The following TRAPPC11 variants were observed in gnomAD, a reference collection of about 807,000 sequenced individuals.
TRAPPC11 encodes the protein foie gras homolog.
TRAPPC11 carries 104 observed loss-of-function variants against 151.2 expected under a neutral mutation model. The observed-to-expected ratio is 0.69, with a 90% CI of 0.59 to 0.81. TRAPPC11 has a LOEUF of 0.81. Among genes scored for constraint, TRAPPC11 ranks in the 30% least tolerant of loss-of-function variants. The pLI, the probability that TRAPPC11 is intolerant of heterozygous loss-of-function variation, is 0.00. For synonymous variants in TRAPPC11, 456 were observed against 472.3 expected (o/e 0.97, Z 0.45); for missense variants, 1,230 against 1,349.6 (o/e 0.91, Z 1.39).
Position 183,664,070 on chromosome 4 carries a change from A to G in TRAPPC11, c.203A>G (p.Lys68Arg). The G allele has an allele frequency of 4.3e-6, 7 of 1,611,314 alleles. No individual in the cohort carries two copies. Among genetic ancestry groups the G allele is most frequent in the Non-Finnish European group, 5.9e-6 (7 of 1,179,048 alleles). ...GDHEYPKCRP[K>R]RTSYEWYIPK... is the part of the protein sequence containing the mutation. ...CATGAGTATCCCAAATGTAGACCCA[A>G]GGTAATGGCATTGTGATGGCATGTG... Residue 68 changes from lysine to arginine, a missense_variant and splice_region_variant, in exon 2 of 30, where the codon AAG becomes AGG. By Grantham distance (26) the Lys-to-Arg change is conservative (BLOSUM62 2). Coordinates refer to ENST00000334690, the MANE Select transcript of TRAPPC11 (RefSeq NM_021942.6).
chr4:183,708,259 CTGTT>C, intron 28 of TRAPPC11, 144 bp from the exon 29 acceptor site: 1 of 767,610 alleles, frequency 1.3e-6, no homozygotes, highest in Non-Finnish European at 2.0e-6. Flanking sequence ...ACTTTGGAAT[CTGTT>C]TGGAAGATGG....
chr4:183,696,665 G>T (rs1736552980), intron 23 of TRAPPC11, among the ~76,000 whole-genome samples: 1 of 152,164 alleles, frequency 6.6e-6, no homozygotes, highest in South Asian at 2.1e-4. Flanking sequence ...CCAAAGCTGG[G>T]ATTACAGGTG....
chr4:183,694,047 G>A lies in TRAPPC11; in HGVS notation c.2508+9G>A. On this transcript the variant is annotated intron_variant, in intron 22 of 29. Coordinates refer to ENST00000334690, the MANE Select transcript of TRAPPC11 (RefSeq NM_021942.6). ...TACATCCAGGGGAACAGGTAAACTT[G>A]GTCAACTGGGATTGAAGAGGAAATC... 6.2e-7 allele frequency: 1 copy of A among 1,612,076 alleles called. No individual in the cohort carries two copies. The highest frequency in any genetic ancestry group is 8.5e-7 in the Non-Finnish European group (1 of 1,178,916).
At chr4:183,699,893 C>T (rs1038454500) in intron 25 of TRAPPC11, among the ~76,000 whole-genome samples, 5 of 151,764 alleles carry the variant, frequency 3.3e-5, no homozygotes, top group African/African-American at 7.3e-5. Flanking sequence ...GGCACGATCT[C>T]GGCTTACTGC....
At chr4:183,681,014 A>T (rs1735661591) in intron 10 of TRAPPC11, among the ~76,000 whole-genome samples, 1 of 147,168 alleles carries the variant, frequency 6.8e-6, no homozygotes, top group Non-Finnish European at 1.5e-5. Context: ...GACTCTTAAG[A>T]GTCTGTTTGA....
intron 25 of TRAPPC11, among the ~76,000 whole-genome samples, chr4:183,700,436 G>C (rs1736747147): frequency 6.6e-6 from 1 of 152,174 alleles, no homozygotes. Context: ...AAACTTTGTT[G>C]TTATTCCTTT....
chr4:183,680,512 A>C (rs1735622961), intron 10 of TRAPPC11, among the ~76,000 whole-genome samples: 1 of 152,086 alleles, frequency 6.6e-6, no homozygotes, highest in African/African-American at 2.4e-5. Flanking sequence ...GACTATTTAG[A>C]CAAGAGAAAA....
At chr4:183,694,096 A>G (rs1275185719) in intron 22 of TRAPPC11, 58 bp downstream of exon 22, 3 of 1,584,038 alleles carry the variant, frequency 1.9e-6, no homozygotes, top group Non-Finnish European at 2.6e-6. Flanking sequence ...TTTTAAATAT[A>G]TAGTGAGTTT....
chr4:183,697,891 G>A lies in TRAPPC11; in HGVS notation c.2851+56G>A, dbSNP rs1736625721. On this transcript the variant is annotated intron_variant, in intron 25 of 29. Coordinates refer to ENST00000334690, the MANE Select transcript of TRAPPC11 (RefSeq NM_021942.6). ...AGGAGAATTGTGCGCGCGTGTGTGT[G>A]TGTGTGTATAAGCTGGCAATGGAAG... 16 of 1,525,914 alleles carry A rather than the reference G, an allele frequency of 1.0e-5. No homozygotes were observed. In the South Asian group the frequency reaches 1.9e-4, roughly 18 times the overall value. The allele number at this position is 1,525,914 out of a possible 1,614,324, so 94.5% of individuals were successfully genotyped here.
chr4:183,697,296 G>A (rs1196709126), intron 23 of TRAPPC11, among the ~76,000 whole-genome samples: 5 of 151,682 alleles, frequency 3.3e-5, no homozygotes, highest in Non-Finnish European at 5.9e-5. Flanking sequence ...GGTTGCCAGA[G>A]TGAGACCCTG....
rs1737364144 is a variant in TRAPPC11 at position 183,712,088 on chromosome 4, A to G, written c.3358-512A>G. On this transcript the variant is annotated intron_variant, in intron 29 of 29. Coordinates refer to ENST00000334690, the MANE Select transcript of TRAPPC11 (RefSeq NM_021942.6). ...CAGCATGCATTGGAGTTCACTGCAG[A>G]CACTTTTTCTCAAACAGGAGATTGG... Among the ~76,000 whole-genome samples, 4 of 152,190 alleles carry G rather than the reference A, an allele frequency of 2.6e-5. No homozygotes were observed. The South Asian group carries it at 6.2e-4, about 24-fold the overall frequency.
At chr4:183,683,938 G>C (rs779104128) in intron 11 of TRAPPC11, 37 bp from the exon 12 acceptor site, 1 of 1,507,252 alleles carries the variant, frequency 6.6e-7, no homozygotes, top group Non-Finnish European at 9.2e-7. Flanking sequence ...TATATTAAAT[G>C]AGCTGTCTAA....
Position 183,680,245 on chromosome 4 carries a change from C to T in TRAPPC11, c.1091C>T (p.Ala364Val), listed in dbSNP as rs1262295847. 2 of 1,613,546 alleles carry T rather than the reference C, an allele frequency of 1.2e-6. No homozygotes were observed. The highest frequency in any genetic ancestry group is 1.7e-6 in the Non-Finnish European group (2 of 1,179,854). Residue 364 changes from alanine to valine, a missense_variant, in exon 10 of 30, where the codon GCA (alanine) becomes GTA (valine). Transcript: ENST00000334690. ...AYYAQERKQL[A>V]KTLCNHEASV... Reference sequence around the variant, plus strand: ...TATGCCCAGGAGCGGAAACAGCTTGCAAAAACCCTCTGTAACCACGAAGTA... The same window carrying T: ...TATGCCCAGGAGCGGAAACAGCTTGTAAAAACCCTCTGTAACCACGAAGTA...
chr4:183,692,817 A>G, intron 19 of TRAPPC11, 143 bp from the exon 20 acceptor site: 1 of 638,274 alleles, frequency 1.6e-6, no homozygotes, highest in Non-Finnish European at 2.6e-6. Flanking sequence ...GACCTCTAAT[A>G]GCAGGTGTTC....
At chr4:183,677,255 A>T (rs1465120714) in intron 7 of TRAPPC11, among the ~76,000 whole-genome samples, 1 of 152,194 alleles carries the variant, frequency 6.6e-6, no homozygotes, top group African/African-American at 2.4e-5. Context: ...CGCACATGTC[A>T]TGGTTCTGTT....
chr4:183,706,878 G>T lies in TRAPPC11; in HGVS notation c.3127G>T (p.Val1043Phe). 1 of 1,614,078 alleles carries T rather than the reference G, an allele frequency of 6.2e-7. No homozygotes were observed. Among genetic ancestry groups the T allele is most frequent in the Non-Finnish European group, 8.5e-7 (1 of 1,179,980 alleles). The part of the protein sequence containing the change: ...KYHLQNKTDL[V>F]QDVEISVEPS... ...TCACCTACAGAATAAGACCGACTTAGTTCAAGATGTAGAAATTTCTGTGGA... is the reference window on the plus strand; with the variant it reads ...TCACCTACAGAATAAGACCGACTTATTTCAAGATGTAGAAATTTCTGTGGA... The change falls in exon 28 of 30, where the codon GTT becomes TTT. Residue 1043 changes from valine to phenylalanine, a missense_variant. Transcript: ENST00000334690.
intron 1 of TRAPPC11, among the ~76,000 whole-genome samples, chr4:183,659,814 G>A (rs1164871578): frequency 6.6e-6 from 1 of 151,722 alleles, no homozygotes; most frequent in East Asian, 1.9e-4. Context: ...TTCCTCTTTT[G>A]TTCGTTTTGT....
intron 19 of TRAPPC11, 22 bp from the exon 20 acceptor site, chr4:183,692,938 A>G: frequency 6.3e-6 from 10 of 1,585,300 alleles, no homozygotes; most frequent in Non-Finnish European, 8.6e-6. Flanking sequence ...GACATTTCCA[A>G]CATCCTTTTT....
chr4:183,700,101 C>A (rs186723983), intron 25 of TRAPPC11, among the ~76,000 whole-genome samples: 10 of 152,262 alleles, frequency 6.6e-5, no homozygotes, highest in African/African-American at 1.9e-4. Flanking sequence ...CGTGAGCCAC[C>A]ACGCCCAGCC....
Sources: gnomAD v4.1 joint callset for allele counts (sites outside exome capture counted in the v4.1 genomes callset) on GRCh38, gnomAD v4.1.1 for gene constraint, MANE v1.5 for transcripts, NCBI Gene and HGNC (gene_info 2026-07-23, HGNC 2026-07-21) for gene names.